MSH6: variants seen among roughly 807,000 people sequenced by gnomAD.
MSH6 encodes the protein mutS homolog 6.
MSH6 carries 85 observed loss-of-function variants against 119.1 expected under a neutral mutation model. That is an observed-to-expected ratio of 0.71 (90% CI 0.60 to 0.85). The LOEUF (loss-of-function observed/expected upper bound fraction) is 0.85. Ranked by LOEUF, MSH6 falls within the 40% of genes least tolerant of loss-of-function variation. The pLI, the probability that MSH6 is intolerant of heterozygous loss-of-function variation, is 0.00. For synonymous variants in MSH6, 830 were observed against 586.9 expected (o/e 1.41, Z -5.99); for missense variants, 2,163 against 1,655.3 (o/e 1.31, Z -5.32).
Position 47,804,958 on chromosome 2 carries a change from G to T in MSH6, c.3487G>T (p.Glu1163Ter), listed in dbSNP as rs587779267. The change falls in exon 6 of 10, where the codon GAA (glutamate) becomes TAA (stop). Residue 1163 changes from glutamate to a stop codon, truncating the protein, a stop_gained. Transcript: ENST00000234420. LOFTEE classifies it high-confidence loss of function. ...MAQMGCYVPA[E>*]VCRLTPIDRV... Reference sequence around the variant, plus strand: ...CCAGATGGGTTGTTACGTCCCTGCTGAAGTGTGCAGGCTCACACCAATTGA... The same window carrying T: ...CCAGATGGGTTGTTACGTCCCTGCTTAAGTGTGCAGGCTCACACCAATTGA... The T allele has an allele frequency of 1.2e-6, 2 of 1,614,048 alleles. No individual in the cohort carries two copies. Among genetic ancestry groups the T allele is most frequent in the Non-Finnish European group, 1.7e-6 (2 of 1,180,028 alleles).
chr2:47,784,335 G>A, intron 1 of MSH6: 1 of 826,996 alleles, frequency 1.2e-6, no homozygotes, highest in Non-Finnish European at 1.5e-6. Context: ...ATGAAATAGT[G>A]TAATTTTTAT....
chr2:47,798,480 C>G, intron 3 of MSH6, 131 bp from the exon 4 acceptor site: 6 of 889,136 alleles, frequency 6.7e-6, no homozygotes, highest in Non-Finnish European at 1.0e-5. Flanking sequence ...TCATCGAATA[C>G]TGTACTAAAA....
At chr2:47,809,270 TAATAA>T (rs773286292), downstream of MSH6, 20 of 1,517,778 alleles carry the variant, frequency 1.3e-5, no homozygotes, top group Non-Finnish European at 1.8e-5. Flanking sequence ...TTGTTATCTG[TAATAA>T]AAGAAAGAAT....
rs2104330661 is a variant in MSH6 at position 47,799,227 on chromosome 2, A to C, written c.1244A>C (p.Gln415Pro). ...SCTPGMRKWW[Q>P]IKSQNFDLVI... Reference sequence around the variant, plus strand: ...ACTCCTGGGATGAGGAAGTGGTGGCAGATTAAGTCTCAGAACTTTGATCTT... The same window carrying C: ...ACTCCTGGGATGAGGAAGTGGTGGCCGATTAAGTCTCAGAACTTTGATCTT... The change falls in exon 4 of 10, where the codon CAG becomes CCG. Residue 415 changes from glutamine (Q) to proline (P), a missense_variant. Gln to Pro is a moderately conservative substitution (Grantham distance 76). Coordinates refer to ENST00000234420, the MANE Select transcript of MSH6 (RefSeq NM_000179.3). 1 of 1,614,186 alleles carries C rather than the reference A, an allele frequency of 6.2e-7. No homozygotes were observed. Among genetic ancestry groups the C allele is most frequent in the Non-Finnish European group, 8.5e-7 (1 of 1,180,026 alleles).
rs1060502929 is a variant in MSH6 at position 47,795,960 on chromosome 2, C to T, written c.524C>T (p.Ala175Val). The change falls in exon 3 of 10, where the codon GCA becomes GTA. Residue 175 changes from alanine to valine, a missense_variant. Ala to Val is a moderately conservative substitution (Grantham distance 64, BLOSUM62 0). Coordinates refer to ENST00000234420, the MANE Select transcript of MSH6 (RefSeq NM_000179.3). ...AGTGCAAAGCCTGAAATACTGAGAGCAATGCAACGTGCAGATGAAGCCTTA... is the reference window on the plus strand; with the variant it reads ...AGTGCAAAGCCTGAAATACTGAGAGTAATGCAACGTGCAGATGAAGCCTTA... ...FYSAKPEILR[A>V]MQRADEALNK... 6.2e-7 allele frequency: 1 copy of T among 1,614,020 alleles called. No individual in the cohort carries two copies. Among genetic ancestry groups the T allele is most frequent in the East Asian group, 2.2e-5 (1 of 44,876 alleles).
At position 47,806,893 on chromosome 2, in the gene MSH6, T is replaced by TGACA. The variant is rs752652467; in HGVS notation, c.*34_*37dup. ...ACATTGGAAGCTTTGAGTTGACTTC[T>TGACA]GACAAAGGTGGTAAATTCAGACAAC... is the stretch of plus-strand genomic sequence containing the variant. On this transcript the variant is annotated 3_prime_UTR_variant, in exon 10 of 10. Transcript: ENST00000234420. 3 of 1,467,618 alleles carry TGACA rather than the reference T, an allele frequency of 2.0e-6. No homozygotes were observed. The highest frequency in any genetic ancestry group is 1.4e-5 in the African/African-American group (1 of 71,988). The allele number at this position is 1,467,618 out of a possible 1,614,324, so 90.9% of individuals were successfully genotyped here.
In MSH6 at chr2:47,799,777, A is replaced by G. The variant is rs786201210; in HGVS notation, c.1794A>G (p.Lys598=). 4 of 1,614,222 alleles carry G rather than the reference A, an allele frequency of 2.5e-6. No individual in the cohort carries two copies. Among genetic ancestry groups the G allele is most frequent in the Non-Finnish European group, 3.4e-6 (4 of 1,180,026 alleles). The change falls in exon 4 of 10, where the codon AAA becomes AAG. Residue 598 remains lysine, a synonymous_variant. Coordinates refer to ENST00000234420, the MANE Select transcript of MSH6 (RefSeq NM_000179.3). ...HYPPVQVLFE[K]GNLSKETKTI... is the part of the protein sequence containing the mutation. ...CCCCAGTACAAGTTTTATTTGAAAAAGGAAATCTCTCAAAGGAAACTAAAA... is the reference window on the plus strand; with the variant it reads ...CCCCAGTACAAGTTTTATTTGAAAAGGGAAATCTCTCAAAGGAAACTAAAA...
intron 2 of MSH6, 50 bp from the exon 3 acceptor site, chr2:47,795,844 G>A (rs763906078): frequency 3.2e-6 from 5 of 1,545,770 alleles, no homozygotes; most frequent in East Asian, 2.3e-5. Flanking sequence ...GATTACAGGC[G>A]TGAGCCTCTG....
At chr2:47,794,450 T>G (rs1190197044) in intron 2 of MSH6, among the ~76,000 whole-genome samples, 1 of 151,760 alleles carries the variant, frequency 6.6e-6, no homozygotes, top group Non-Finnish European at 1.5e-5. Context: ...TTTTGTATTT[T>G]TAGGAGAGAT....
intron 5 of MSH6, among the ~76,000 whole-genome samples, chr2:47,804,239 T>C (rs1055364016): frequency 1.3e-5 from 2 of 152,150 alleles, no homozygotes; most frequent in African/African-American, 4.8e-5. Flanking sequence ...GCCTCCCCAG[T>C]AGCTGGGACT....
At position 47,806,939 on chromosome 2, in the gene MSH6, A is replaced by AT; in HGVS notation, c.*85dup. On this transcript the variant is annotated 3_prime_UTR_variant, in exon 10 of 10. Coordinates refer to ENST00000234420, the MANE Select transcript of MSH6 (RefSeq NM_000179.3). ...ACAACATTATGATCTAATAAACTTT[A>AT]TTTTTTAAAAATGACCATTTTTCCA... 1 of 1,105,906 alleles carries AT rather than the reference A, an allele frequency of 9.0e-7. No individual in the cohort carries two copies. The highest frequency in any genetic ancestry group is 1.4e-6 in the Non-Finnish European group (1 of 736,786). 68.5% of individuals were successfully genotyped at this position (1,105,906 alleles called of 1,614,324 possible).
Position 47,804,894 on chromosome 2 carries a change from C to A in MSH6, c.3439-16C>A. The A allele has an allele frequency of 6.3e-7, 1 of 1,594,022 alleles. No individual in the cohort carries two copies. The highest frequency in any genetic ancestry group is 8.6e-7 in the Non-Finnish European group (1 of 1,161,638). ...TACTACCAGTCATAAAAGACCTTTT[C>A]CTCCCTCATTCACAGGCTGGCTTAT... is the stretch of plus-strand genomic sequence containing the variant. On this transcript the variant is annotated splice_polypyrimidine_tract_variant and intron_variant, in intron 5 of 9. Coordinates refer to ENST00000234420, the MANE Select transcript of MSH6 (RefSeq NM_000179.3).
chr2:47,788,935 T>TTTTTTTTG (rs1668555808), intron 1 of MSH6, among the ~76,000 whole-genome samples: 1 of 96,662 alleles, frequency 1.0e-5, no homozygotes, highest in African/African-American at 4.9e-5. Context: ...TTTTTTTTTT[T>TTTTTTTTG]TTTTTTTTTT....
intron 1 of MSH6, among the ~76,000 whole-genome samples, chr2:47,790,588 T>C (rs936618155): frequency 1.3e-5 from 2 of 152,206 alleles, no homozygotes; most frequent in African/African-American, 2.4e-5. Context: ...GTATAGGTGC[T>C]ACTAATTTGG....
In MSH6 at chr2:47,806,911, C is replaced by A. The variant is rs746634080; in HGVS notation, c.*51C>A. 7.6e-7 allele frequency: 1 copy of A among 1,311,478 alleles called. No homozygotes were observed. Among genetic ancestry groups the A allele is most frequent in the Non-Finnish European group, 1.1e-6 (1 of 907,064 alleles). 81.2% of individuals were successfully genotyped at this position (1,311,478 alleles called of 1,614,324 possible). ...TGACTTCTGACAAAGGTGGTAAATT[C>A]AGACAACATTATGATCTAATAAACT... On this transcript the variant is annotated 3_prime_UTR_variant, in exon 10 of 10. Coordinates refer to ENST00000234420, the MANE Select transcript of MSH6 (RefSeq NM_000179.3).
intron 4 of MSH6, among the ~76,000 whole-genome samples, 185 bp from the exon 5 acceptor site, chr2:47,803,235 C>G (rs1669715565): frequency 6.6e-6 from 1 of 152,166 alleles, no homozygotes; most frequent in Non-Finnish European, 1.5e-5. Flanking sequence ...TATCTTTTAG[C>G]TTTCCCTTGG....
At chr2:47,801,337 T>C (rs911427399) in intron 4 of MSH6, 182 bp downstream of exon 4, 19 of 475,588 alleles carry the variant, frequency 4.0e-5, no homozygotes, top group Admixed American at 7.5e-5. Context: ...GCTTTTATCT[T>C]AGTAGCCCTT....
chr2:47,784,192 G>T, intron 1 of MSH6: 1 of 1,005,442 alleles, frequency 9.9e-7, no homozygotes. Flanking sequence ...ATTGGGCGGG[G>T]CGGGGCCGTG....
chr2:47,801,190 A>G (rs2104444679), intron 4 of MSH6, 35 bp downstream of exon 4: 1 of 1,602,306 alleles, frequency 6.2e-7, no homozygotes, highest in Non-Finnish European at 8.5e-7. Context: ...TCAGGCTTTG[A>G]TAAGTAGTGC....
Sources: allele counts gnomAD v4.1 joint callset (sites outside exome capture counted in the v4.1 genomes callset), GRCh38; gene constraint gnomAD v4.1.1; transcripts MANE v1.5; gene names NCBI Gene and HGNC (gene_info 2026-07-23, HGNC 2026-07-21).